VAMP1: variants seen among roughly 807,000 people sequenced by gnomAD.
The protein encoded by VAMP1 is vesicle-associated membrane protein 1.
Under a neutral mutation model 19.1 loss-of-function variants are expected in VAMP1, and 16 were observed. The observed-to-expected ratio is 0.84, with a 90% CI of 0.57 to 1.27. VAMP1 has a LOEUF of 1.27. Among genes scored for constraint, VAMP1 ranks in the 50% most tolerant of loss-of-function variants. The probability of loss-of-function intolerance (pLI) is 0.00; values close to 1 mark genes in which losing one functional copy is unlikely to be tolerated. For missense variants in VAMP1, 109 were observed against 145.4 expected (o/e 0.75, Z 1.29); for synonymous variants, 37 against 50.2 (o/e 0.74, Z 1.11).
In VAMP1 at chr12:6,464,129, A is replaced by G. The variant is rs1192055966; in HGVS notation, c.*341T>C. On this transcript the variant is annotated 3_prime_UTR_variant, in exon 5 of 5. Transcript: ENST00000396308. ...TACTCTTCTCCTCCCAAGTCTGGGC[A>G]GCTTCATGGGTACTTCGCCTCAGCC... 7.3e-7 allele frequency: 1 copy of G among 1,360,916 alleles called. No homozygotes were observed. Among genetic ancestry groups the G allele is most frequent in the East Asian group, 4.0e-5 (1 of 25,094 alleles). The allele number at this position is 1,360,916 out of a possible 1,614,324, so 84.3% of individuals were successfully genotyped here.
At position 6,463,260 on chromosome 12, in the gene VAMP1, G is replaced by C; in HGVS notation, c.*1210C>G. The C allele has an allele frequency of 6.6e-6, 9 of 1,363,638 alleles. No homozygotes were observed. Among genetic ancestry groups the C allele is most frequent in the Non-Finnish European group, 8.5e-6 (9 of 1,056,428 alleles). 84.5% of individuals were successfully genotyped at this position (1,363,638 alleles called of 1,614,324 possible). ...GGAAGAACAGAGAGGCGGCTCTCAAGGAGAGGGCCCCATGACAGCACAGCA... is the reference window on the plus strand; with the variant it reads ...GGAAGAACAGAGAGGCGGCTCTCAACGAGAGGGCCCCATGACAGCACAGCA... On this transcript the variant is annotated 3_prime_UTR_variant, in exon 5 of 5. Coordinates refer to ENST00000396308, the MANE Select transcript of VAMP1 (RefSeq NM_014231.5). The surrounding 1 kb of genome is among the most constrained non-coding windows in gnomAD (Gnocchi z 4.0).
rs1267661755 is a variant in VAMP1, at chr12:6,463,076, C to G, written c.*1394G>C. The G allele has an allele frequency of 6.5e-7, 1 of 1,533,664 alleles. No individual in the cohort carries two copies. The highest frequency in any genetic ancestry group is 8.7e-7 in the Non-Finnish European group (1 of 1,143,920). On this transcript the variant is annotated 3_prime_UTR_variant, in exon 5 of 5. Coordinates refer to ENST00000396308, the MANE Select transcript of VAMP1 (RefSeq NM_014231.5). The surrounding 1 kb of genome is among the most constrained non-coding windows in gnomAD (Gnocchi z 4.0). ...ACCTGGGCTTATCCCACATTAATAGCCCATCCTGAAGCTCAGCAATTGCCC... is the reference window on the plus strand; with the variant it reads ...ACCTGGGCTTATCCCACATTAATAGGCCATCCTGAAGCTCAGCAATTGCCC...
rs777278836 is a variant in VAMP1 at position 6,464,087 on chromosome 12, G to A, written c.*383C>T. 108 of 1,306,636 alleles carry A rather than the reference G, an allele frequency of 8.3e-5. No homozygotes were observed. The highest frequency in any genetic ancestry group is 1.9e-5 in the Non-Finnish European group (19 of 1,000,362). The allele number at this position is 1,306,636 out of a possible 1,614,324, so 80.9% of individuals were successfully genotyped here. On this transcript the variant is annotated 3_prime_UTR_variant, in exon 5 of 5. Coordinates refer to ENST00000396308, the MANE Select transcript of VAMP1 (RefSeq NM_014231.5). ...CTACCAGTGGCCAGGTTTTCTAGAAGTCACCATGGGCACCGATACTCTTCT... is the reference window on the plus strand; with the variant it reads ...CTACCAGTGGCCAGGTTTTCTAGAAATCACCATGGGCACCGATACTCTTCT...
In VAMP1 at chr12:6,465,440, ATG is replaced by A. The variant is rs1565526353; in HGVS notation, c.288+400_288+401del. 4.4e-5 allele frequency: 6 copies of A among 136,694 alleles called. No individual in the cohort carries two copies. The East Asian group carries it at 1.1e-3, about 24-fold the overall frequency. 8.5% of individuals were successfully genotyped at this position (136,694 alleles called of 1,614,324 possible). On this transcript the variant is annotated intron_variant, in intron 3 of 4. Transcript: ENST00000396308. ...TATATATATATATAAATGTATATATATGTATATATACATATGTGTATATATAG... is the reference window on the plus strand; with the variant it reads ...TATATATATATATAAATGTATATATATATATATACATATGTGTATATATAG...
rs1250772649 is a variant in VAMP1 at position 6,464,095 on chromosome 12, G to A, written c.*375C>T. ...GGCCAGGTTTTCTAGAAGTCACCAT[G>A]GGCACCGATACTCTTCTCCTCCCAA... On this transcript the variant is annotated 3_prime_UTR_variant, in exon 5 of 5. Coordinates refer to ENST00000396308, the MANE Select transcript of VAMP1 (RefSeq NM_014231.5). 1.2e-5 allele frequency: 16 copies of A among 1,312,192 alleles called. No individual in the cohort carries two copies. The Admixed American group carries it at 3.6e-4, about 30-fold the overall frequency. 81.3% of individuals were successfully genotyped at this position (1,312,192 alleles called of 1,614,324 possible). A position where few individuals can be genotyped will look rare whatever the true frequency, so the allele number is the denominator to read the frequency against.
intron 1 of VAMP1, among the ~76,000 whole-genome samples, chr12:6,469,467 C>T (rs1481729404): frequency 6.6e-6 from 1 of 152,170 alleles, no homozygotes; most frequent in African/African-American, 2.4e-5. Context: ...ATAGAACACT[C>T]ATATCTGGTT....
chr12:6,469,971 C>T (rs1270360530), intron 1 of VAMP1, among the ~76,000 whole-genome samples: 1 of 152,216 alleles, frequency 6.6e-6, no homozygotes, highest in African/African-American at 2.4e-5. Context: ...TTGAGTCTTT[C>T]TGAGCTGCTC....
chr12:6,467,528 AT>A (rs1190286750), intron 1 of VAMP1, among the ~76,000 whole-genome samples: 1 of 152,210 alleles, frequency 6.6e-6, no homozygotes, highest in Non-Finnish European at 1.5e-5. Flanking sequence ...GAGAGAGATA[AT>A]TTAGGGTATC....
Position 6,462,543 on chromosome 12 carries a change from G to C in VAMP1, c.*1927C>G, listed in dbSNP as rs944509446. The C allele has an allele frequency of 1.9e-6, 1 of 520,892 alleles. No individual in the cohort carries two copies. Among genetic ancestry groups the C allele is most frequent in the Non-Finnish European group, 3.4e-6 (1 of 294,624 alleles). 32.3% of individuals were successfully genotyped at this position (520,892 alleles called of 1,614,324 possible). A position where few individuals can be genotyped will look rare whatever the true frequency, so the allele number is the denominator to read the frequency against. On this transcript the variant is annotated 3_prime_UTR_variant, in exon 5 of 5. Transcript: ENST00000396308. ...GAAAGGGGGATAGCAGAGACACACA[G>C]AAGAGGGTACAGGGTGGGTGAGAAA... is the stretch of plus-strand genomic sequence containing the variant.
At chr12:6,465,757 G>C in intron 3 of VAMP1, 85 bp downstream of exon 3, 1 of 1,538,284 alleles carries the variant, frequency 6.5e-7, no homozygotes, top group Non-Finnish European at 8.8e-7. Flanking sequence ...ACCATTAGAG[G>C]GAAGAAATGT....
At chr12:6,470,411 T>C in intron 1 of VAMP1, 119 bp downstream of exon 1, 1 of 1,468,714 alleles carries the variant, frequency 6.8e-7, no homozygotes, top group Non-Finnish European at 9.4e-7. Flanking sequence ...CGGCGCGCGG[T>C]GGTAGTTCCC....
intron 3 of VAMP1, chr12:6,465,473 G>C (rs889738671): frequency 6.0e-6 from 1 of 166,752 alleles, no homozygotes; most frequent in Non-Finnish European, 1.1e-5. Context: ...TATAGTGTGT[G>C]TGTGTGTGTG....
At chr12:6,467,896 T>C (rs993905047) in intron 1 of VAMP1, among the ~76,000 whole-genome samples, 1 of 152,242 alleles carries the variant, frequency 6.6e-6, no homozygotes, top group Non-Finnish European at 1.5e-5. Context: ...AGCTTCCACA[T>C]GGTGTTGAGC....
At chr12:6,466,101 G>C in intron 2 of VAMP1, 101 bp from the exon 3 acceptor site, 1 of 1,610,470 alleles carries the variant, frequency 6.2e-7, no homozygotes, top group Non-Finnish European at 8.5e-7. Context: ...CAACTCTAAA[G>C]GGTGCTTTGC....
At chr12:6,468,682 C>T (rs971661659) in intron 1 of VAMP1, among the ~76,000 whole-genome samples, 7 of 152,316 alleles carry the variant, frequency 4.6e-5, no homozygotes, top group Non-Finnish European at 1.0e-4. Flanking sequence ...AATGTTCTCT[C>T]ATTCTGTACC....
intron 1 of VAMP1, among the ~76,000 whole-genome samples, chr12:6,468,969 C>A (rs1326380872): frequency 6.6e-6 from 1 of 152,124 alleles, no homozygotes; most frequent in Non-Finnish European, 1.5e-5. Context: ...ACAAAGTCAC[C>A]TAAAAGGAAA....
In VAMP1 at chr12:6,470,636, T is replaced by C. The variant is rs1289375841; in HGVS notation, c.-105A>G. On this transcript the variant is annotated 5_prime_UTR_variant, in exon 1 of 5. Transcript: ENST00000396308. ...GTGGACGGAACTGCCAAGCTCCGCC[T>C]CGCGCCGACTACCCCGCGGTCTAGC... 5.4e-6 allele frequency: 8 copies of C among 1,487,222 alleles called. No individual in the cohort carries two copies. Among genetic ancestry groups the C allele is most frequent in the Non-Finnish European group, 7.4e-6 (8 of 1,076,622 alleles). The allele number at this position is 1,487,222 out of a possible 1,614,324, so 92.1% of individuals were successfully genotyped here.
Position 6,466,328 on chromosome 12 carries a change from G to C in VAMP1, c.26C>G (p.Ala9Gly), listed in dbSNP as rs375340840. The change falls in exon 2 of 5, where the codon GCT becomes GGT. Residue 9 changes from alanine (A) to glycine (G), a missense_variant. By Grantham distance (60) the Ala-to-Gly change is moderately conservative. Coordinates refer to ENST00000396308, the MANE Select transcript of VAMP1 (RefSeq NM_014231.5). Reference protein sequence around the residue: MSAPAQPPAEGTEGTAPGG... With the variant: MSAPAQPPGEGTEGTAPGG... ...TGGGGCAGTCCCTTCTGTCCCTTCA[G>C]CAGGTGGCTGAGCTGGAGCAGACCT... The C allele has an allele frequency of 2.5e-6, 4 of 1,613,800 alleles. No individual in the cohort carries two copies. In the African/African-American group the frequency reaches 4.0e-5, roughly 16 times the overall value.
At chr12:6,468,278 G>A (rs889630733) in intron 1 of VAMP1, among the ~76,000 whole-genome samples, 5 of 152,208 alleles carry the variant, frequency 3.3e-5, no homozygotes, top group African/African-American at 1.2e-4. Context: ...TTATATTCAA[G>A]TTATTGGTTA....
Sources: gnomAD v4.1 joint callset for allele counts (sites outside exome capture counted in the v4.1 genomes callset) on GRCh38, gnomAD v4.1.1 for gene constraint, Gnocchi (gnomAD v3.1) non-coding constraint, MANE v1.5 for transcripts, NCBI Gene and HGNC (gene_info 2026-07-23, HGNC 2026-07-21) for gene names.